Variants in TUBA1C observed in about 807,000 individuals in gnomAD.
The protein encoded by TUBA1C is tubulin alpha 1c.
TUBA1C carries 16 observed loss-of-function variants against 34.9 expected under a neutral mutation model. The observed-to-expected ratio is 0.46, with a 90% CI of 0.31 to 0.70. The LOEUF (loss-of-function observed/expected upper bound fraction) is 0.70, where lower values mean the gene tolerates loss of function less well. Ranked by LOEUF, TUBA1C falls within the 30% of genes least tolerant of loss-of-function variation. TUBA1C has a pLI of 0.05. For missense variants in TUBA1C, 329 were observed against 587.3 expected (o/e 0.56, Z 4.55); for synonymous variants, 177 against 215.9 (o/e 0.82, Z 1.58).
chr12:49,241,319 C>G (rs1942612560), intron 1 of TUBA1C, among the ~76,000 whole-genome samples: 1 of 152,110 alleles, frequency 6.6e-6, no homozygotes, highest in Non-Finnish European at 1.5e-5. Flanking sequence ...ACCCCCAGTG[C>G]CTAACTAGTG....
intron 1 of TUBA1C, among the ~76,000 whole-genome samples, chr12:49,235,379 GA>G (rs1404021659): frequency 6.6e-6 from 1 of 152,136 alleles, no homozygotes; most frequent in Non-Finnish European, 1.5e-5. Flanking sequence ...GCCCTTTCCG[GA>G]AAGGTGTCGG....
In TUBA1C at chr12:49,235,030, C is replaced by A. The variant is rs182588300; in HGVS notation, c.213+6864C>A. ...ACGGGGTTTCACCATGTTGGTCAGG[C>A]TGGTCTCGAATTCCTGTCCTCGTGA... is the stretch of plus-strand genomic sequence containing the variant. On this transcript the variant is annotated intron_variant, in intron 1 of 3. Coordinates refer to the TUBA1C transcript ENST00000541364. Among the ~76,000 whole-genome samples the A allele has an allele frequency of 9.4e-4, 142 of 151,106 alleles. 1 individual carries two copies. The Middle Eastern group carries it at 0.014, about 15-fold the overall frequency.
chr12:49,265,407 T>C (rs1470180061), intron 1 of TUBA1C, among the ~76,000 whole-genome samples: 5 of 152,208 alleles, frequency 3.3e-5, no homozygotes. Flanking sequence ...TCAGTGGAAA[T>C]GGAAAGCCCT....
intron 1 of TUBA1C, among the ~76,000 whole-genome samples, chr12:49,254,104 G>C (rs905537637): frequency 1.1e-4 from 16 of 152,036 alleles, no homozygotes; most frequent in East Asian, 3.9e-4. Flanking sequence ...CTGAGGTCGG[G>C]ATTTCGAGAC....
chr12:49,265,388 G>C (rs1942893057), intron 1 of TUBA1C, among the ~76,000 whole-genome samples: 1 of 152,254 alleles, frequency 6.6e-6, no homozygotes, highest in African/African-American at 2.4e-5. Flanking sequence ...CCTGGCCCGG[G>C]TGCGGCCATC....
At chr12:49,229,418 C>A (rs1357846512) in intron 1 of TUBA1C, among the ~76,000 whole-genome samples, 1 of 152,198 alleles carries the variant, frequency 6.6e-6, no homozygotes, top group African/African-American at 2.4e-5. Context: ...GGTGATCCGC[C>A]CGCCTTGGCC....
intron 1 of TUBA1C, among the ~76,000 whole-genome samples, chr12:49,255,812 G>A (rs865932087): frequency 3.3e-5 from 5 of 152,096 alleles, no homozygotes; most frequent in East Asian, 1.9e-4. Flanking sequence ...GTGATCCGCC[G>A]GCCTCAGTCT....
At chr12:49,245,973 C>T (rs1381162532) in intron 1 of TUBA1C, among the ~76,000 whole-genome samples, 2 of 152,178 alleles carry the variant, frequency 1.3e-5, no homozygotes, top group Non-Finnish European at 2.9e-5. Context: ...GGCACGATCT[C>T]GGCTACCTGC....
At chr12:49,269,748 G>T (rs1413297965) in intron 2 of TUBA1C, 61 bp downstream of exon 2, 7 of 1,603,892 alleles carry the variant, frequency 4.4e-6, no homozygotes, top group Middle Eastern at 1.7e-4. Context: ...GGTCTGTCCT[G>T]GGGGGGCTCC....
At chr12:49,256,303 C>G in intron 1 of TUBA1C, 1 of 351,488 alleles carries the variant, frequency 2.8e-6, no homozygotes, top group South Asian at 2.0e-5. Flanking sequence ...TATTATCAGT[C>G]ATTTCGTGCA....
intron 1 of TUBA1C, among the ~76,000 whole-genome samples, chr12:49,242,651 T>C (rs1942629212): frequency 6.7e-6 from 1 of 148,752 alleles, no homozygotes; most frequent in Non-Finnish European, 1.5e-5. Context: ...GCTAATTTTT[T>C]TGTTGTTGTT....
intron 1 of TUBA1C, among the ~76,000 whole-genome samples, chr12:49,250,177 C>T (rs1387672219): frequency 6.6e-5 from 10 of 150,976 alleles, no homozygotes; most frequent in Admixed American, 1.3e-4. Flanking sequence ...GCAACCTGGG[C>T]GACAGAGTGA....
intron 1 of TUBA1C, among the ~76,000 whole-genome samples, chr12:49,251,866 A>C (rs1210755942): frequency 6.6e-6 from 1 of 152,154 alleles, no homozygotes; most frequent in Non-Finnish European, 1.5e-5. Flanking sequence ...AAATTAATGT[A>C]ATATACAATA....
At chr12:49,257,522 T>G (rs999648094) in intron 1 of TUBA1C, among the ~76,000 whole-genome samples, 1 of 151,802 alleles carries the variant, frequency 6.6e-6, no homozygotes, top group Non-Finnish European at 1.5e-5. Context: ...TGGCTCAAGC[T>G]TGTAATTCCA....
At chr12:49,255,320 C>G (rs1198690936) in intron 1 of TUBA1C, among the ~76,000 whole-genome samples, 1 of 151,574 alleles carries the variant, frequency 6.6e-6, no homozygotes, top group Admixed American at 6.6e-5. Flanking sequence ...TTTATCTTGT[C>G]CTTGTCTTTA....
intron 1 of TUBA1C, among the ~76,000 whole-genome samples, chr12:49,247,326 G>GCTAAGATCAGA: frequency 6.6e-6 from 1 of 151,676 alleles, no homozygotes; most frequent in Non-Finnish European, 1.5e-5. Flanking sequence ...GGAGGCTGAG[G>GCTAAGATCAGA]TGGGTGGATC....
intron 1 of TUBA1C, among the ~76,000 whole-genome samples, chr12:49,231,717 C>CAGACAGACAGAT (rs1411016546): frequency 6.6e-6 from 1 of 151,156 alleles, no homozygotes. Flanking sequence ...GACAGACAGA[C>CAGACAGACAGAT]AGATAGATAG....
chr12:49,252,593 A>G (rs1294060544), intron 1 of TUBA1C, among the ~76,000 whole-genome samples: 2 of 152,186 alleles, frequency 1.3e-5, no homozygotes, highest in Non-Finnish European at 2.9e-5. Context: ...CCTGGCCAAC[A>G]TGGCGAAACC....
At chr12:49,269,226 A>ATT (rs375929083) in intron 1 of TUBA1C, among the ~76,000 whole-genome samples, 55 of 151,684 alleles carry the variant, frequency 3.6e-4, no homozygotes, top group African/African-American at 1.3e-3. Flanking sequence ...TGCCTGGCTA[A>ATT]TTTTTTTTGT....
Sources: allele counts gnomAD v4.1 joint callset (sites outside exome capture counted in the v4.1 genomes callset), GRCh38; gene constraint gnomAD v4.1.1; transcripts MANE v1.5; gene names NCBI Gene and HGNC (gene_info 2026-07-23, HGNC 2026-07-21).